Variants in MATN2 observed in about 807,000 individuals in gnomAD.
MATN2 encodes the protein matrilin-2.
Under a neutral mutation model 103.2 loss-of-function variants are expected in MATN2, and 69 were observed. The ratio of observed to expected loss-of-function variants is 0.67; its 90% CI spans 0.55 to 0.82. The LOEUF (loss-of-function observed/expected upper bound fraction) is 0.82. MATN2 is among the 40% of genes least tolerant of loss of function. MATN2 has a pLI of 0.00. For synonymous variants in MATN2, 429 were observed against 450.2 expected (o/e 0.95, Z 0.60); for missense variants, 1,023 against 1,211.5 (o/e 0.84, Z 2.31).
intron 12 of MATN2, among the ~76,000 whole-genome samples, chr8:98,019,419 T>G (rs1322715699): frequency 6.6e-6 from 1 of 152,174 alleles, no homozygotes; most frequent in East Asian, 1.9e-4. Flanking sequence ...GACCTCAGTC[T>G]TTTTCTCTTT....
At chr8:97,898,208 G>C (rs1302342035) in intron 2 of MATN2, among the ~76,000 whole-genome samples, 2 of 152,100 alleles carry the variant, frequency 1.3e-5, no homozygotes, top group African/African-American at 4.8e-5. Flanking sequence ...TTCTTTGCTG[G>C]CTGGTGCTTT....
rs1443951178 is a variant in MATN2, at chr8:98,017,986, G to C, written c.1697-8G>C. The C allele has an allele frequency of 6.2e-7, 1 of 1,613,094 alleles. No individual in the cohort carries two copies. The highest frequency in any genetic ancestry group is 1.1e-5 in the South Asian group (1 of 91,044). On this transcript the variant is annotated splice_region_variant and splice_polypyrimidine_tract_variant and intron_variant, in intron 11 of 18. Transcript: ENST00000254898. ...TGAAATTGTTGTAACTTGCTCTCCT[G>C]TCTTCAGGGAAAGATGTCTGCCAAG... is the stretch of plus-strand genomic sequence containing the variant.
At chr8:97,899,137 G>A (rs562401412) in intron 2 of MATN2, among the ~76,000 whole-genome samples, 9 of 152,028 alleles carry the variant, frequency 5.9e-5, no homozygotes, top group East Asian at 1.9e-4. Context: ...CAGTGGAAGC[G>A]CTTCTAATCT....
intron 7 of MATN2, among the ~76,000 whole-genome samples, chr8:98,000,880 G>C (rs1357155574): frequency 6.6e-6 from 1 of 152,176 alleles, no homozygotes; most frequent in African/African-American, 2.4e-5. Flanking sequence ...CCATTGTGAT[G>C]AATGCTACGA....
chr8:97,989,704 A>C (rs7813036), intron 6 of MATN2, among the ~76,000 whole-genome samples: 3,400 of 152,232 alleles, frequency 0.022, 121 homozygotes, highest in African/African-American at 0.077. Context: ...TTAAAAAAAA[A>C]CACCATCTTT....
intron 13 of MATN2, among the ~76,000 whole-genome samples, chr8:98,024,036 G>T (rs1813696794): frequency 1.3e-5 from 2 of 152,128 alleles, no homozygotes; most frequent in South Asian, 4.1e-4. Flanking sequence ...ACCGGGGCCT[G>T]TTGGGGGTAG....
chr8:97,941,812 G>C lies in MATN2; in HGVS notation c.748G>C (p.Ala250Pro), dbSNP rs752434713. The part of the protein sequence containing the change: ...HMCSTLEHNC[A>P]HFCINIPGSY... ...GTGCAGCACCCTGGAGCATAACTGT[G>C]CCCACTTCTGCATCAACATCCCTGG... Residue 250 changes from alanine (A) to proline (P), a missense_variant, in exon 4 of 19, where the codon GCC (alanine) becomes CCC (proline). By Grantham distance (27) the Ala-to-Pro change is conservative. Coordinates refer to ENST00000254898, the MANE Select transcript of MATN2 (RefSeq NM_002380.5). The C allele has an allele frequency of 5.6e-6, 9 of 1,610,342 alleles. No individual in the cohort carries two copies. In the South Asian group the frequency reaches 8.9e-5, roughly 16 times the overall value.
chr8:97,896,570 G>C (rs893895510), intron 2 of MATN2, among the ~76,000 whole-genome samples: 1 of 150,010 alleles, frequency 6.7e-6, no homozygotes, highest in South Asian at 2.1e-4. Context: ...AGGGGATCAG[G>C]CAACACAGCA....
chr8:97,951,424 A>C (rs1810948283), intron 4 of MATN2, among the ~76,000 whole-genome samples: 1 of 152,132 alleles, frequency 6.6e-6, no homozygotes, highest in Non-Finnish European at 1.5e-5. Flanking sequence ...GACCCAGGCA[A>C]GTGGTTCTCA....
At chr8:97,963,129 A>T (rs909050041) in intron 5 of MATN2, among the ~76,000 whole-genome samples, 1 of 152,200 alleles carries the variant, frequency 6.6e-6, no homozygotes, top group African/African-American at 2.4e-5. Context: ...AGCGAGACTC[A>T]TCTCAAACAA....
intron 6 of MATN2, among the ~76,000 whole-genome samples, chr8:97,989,492 A>G (rs961100190): frequency 5.9e-5 from 9 of 151,702 alleles, no homozygotes; most frequent in Admixed American, 4.6e-4. Context: ...AACGGAATGA[A>G]GGTAACTGCC....
intron 2 of MATN2, among the ~76,000 whole-genome samples, chr8:97,925,907 C>T (rs1809973523): frequency 6.6e-6 from 1 of 152,168 alleles, no homozygotes; most frequent in African/African-American, 2.4e-5. Context: ...CAAATATTTA[C>T]AGTATGATTA....
rs1263077181 is a variant in MATN2 at position 97,978,994 on chromosome 8, A to C, written c.1067A>C (p.Lys356Thr). ...CHEGFALNPD[K>T]KTCTKIDYCA... is the part of the protein sequence containing the mutation. The stretch of plus-strand genomic sequence containing the variant: ...GAAGGATTTGCTCTTAACCCAGATA[A>C]AAAAACGTGCACAAGTAAGTTACAC... Residue 356 changes from lysine (K) to threonine (T), a missense_variant, in exon 6 of 19, where the codon AAA becomes ACA. Coordinates refer to ENST00000254898, the MANE Select transcript of MATN2 (RefSeq NM_002380.5). The C allele has an allele frequency of 6.2e-7, 1 of 1,610,516 alleles. No individual in the cohort carries two copies. Among genetic ancestry groups the C allele is most frequent in the Non-Finnish European group, 8.5e-7 (1 of 1,178,526 alleles).
At position 97,989,287 on chromosome 8, in the gene MATN2, G is replaced by A. The variant is rs573079904; in HGVS notation, c.1082-5193G>A. ...GATTGAGACCATCCTGGCTAACACG[G>A]TGAAACCCCGTCTCTCCTAAAAATA... is the stretch of plus-strand genomic sequence containing the variant. On this transcript the variant is annotated intron_variant, in intron 6 of 18. Coordinates refer to ENST00000254898, the MANE Select transcript of MATN2 (RefSeq NM_002380.5). 6.6e-4 allele frequency among the ~76,000 whole-genome samples: 101 copies of A among 152,256 alleles called. 1 individual carries two copies. The highest frequency in any genetic ancestry group is 2.3e-3 in the African/African-American group (95 of 41,552).
At chr8:98,035,186 C>T (rs1249455616) in intron 18 of MATN2, among the ~76,000 whole-genome samples, 1 of 152,054 alleles carries the variant, frequency 6.6e-6, no homozygotes, top group Admixed American at 6.6e-5. Flanking sequence ...GGAGAAACCC[C>T]ACCTCTACTA....
chr8:97,967,807 G>A (rs2130278290), intron 5 of MATN2, among the ~76,000 whole-genome samples: 1 of 152,356 alleles, frequency 6.6e-6, no homozygotes, highest in African/African-American at 2.4e-5. Flanking sequence ...GGAGGGTGGT[G>A]GCCCCCTTCT....
At chr8:97,913,049 T>A (rs574042631) in intron 2 of MATN2, among the ~76,000 whole-genome samples, 1 of 152,298 alleles carries the variant, frequency 6.6e-6, no homozygotes, top group African/African-American at 2.4e-5. Context: ...GTGCAGCTGC[T>A]GAGCAGACAC....
At chr8:97,965,057 C>T (rs1440145962) in intron 5 of MATN2, among the ~76,000 whole-genome samples, 1 of 152,024 alleles carries the variant, frequency 6.6e-6, no homozygotes, top group Non-Finnish European at 1.5e-5. Flanking sequence ...ACCCAGCTGG[C>T]CTCATTTCTT....
chr8:97,961,596 A>C, intron 5 of MATN2, 66 bp downstream of exon 5: 1 of 1,447,002 alleles, frequency 6.9e-7, no homozygotes, highest in Admixed American at 2.3e-5. Flanking sequence ...AGGAGGGGAG[A>C]CTCACGTGTA....
Sources: gnomAD v4.1 joint callset for allele counts (sites outside exome capture counted in the v4.1 genomes callset) on GRCh38, gnomAD v4.1.1 for gene constraint, MANE v1.5 for transcripts, NCBI Gene and HGNC (gene_info 2026-07-23, HGNC 2026-07-21) for gene names.